PDK2: variants seen among roughly 807,000 people sequenced by gnomAD.
PDK2 encodes pyruvate dehydrogenase kinase, isozyme 2.
A neutral mutation model predicts 50.4 loss-of-function variants in PDK2; 34 were observed. The observed-to-expected ratio is 0.68, with a 90% CI of 0.51 to 0.90. The LOEUF is 0.90. Among genes scored for constraint, PDK2 ranks in the 40% least tolerant of loss-of-function variants. The pLI, the probability that PDK2 is intolerant of heterozygous loss-of-function variation, is 0.00. For synonymous variants in PDK2, 232 were observed against 216.0 expected (o/e 1.07, Z -0.65); for missense variants, 377 against 544.5 (o/e 0.69, Z 3.06).
chr17:50,109,272 C>A lies in PDK2; in HGVS notation c.970-15C>A. The A allele has an allele frequency of 6.3e-7, 1 of 1,584,750 alleles. No individual in the cohort carries two copies. The highest frequency in any genetic ancestry group is 8.7e-7 in the Non-Finnish European group (1 of 1,155,564). ...CCAGCCTCCTCATCCTCACTGCCTT[C>A]CTGCCCCGCTGCAGGCTGGCTTTGG... is the stretch of plus-strand genomic sequence containing the variant. On this transcript the variant is annotated splice_polypyrimidine_tract_variant and intron_variant, in intron 9 of 10. Transcript: ENST00000503176. The surrounding 1 kb of genome is among the most constrained non-coding windows in gnomAD (Gnocchi z 5.0).
chr17:50,095,421 G>A lies in PDK2; in HGVS notation c.-15G>A. ...CCGCGCGGGGACCACAACCAAAGTCGCGGCCGCCGCAGCCATGCGCTGGGT... is the reference window on the plus strand; with the variant it reads ...CCGCGCGGGGACCACAACCAAAGTCACGGCCGCCGCAGCCATGCGCTGGGT... On this transcript the variant is annotated 5_prime_UTR_variant, in exon 1 of 11. Transcript: ENST00000503176. The A allele has an allele frequency of 6.3e-7, 1 of 1,584,634 alleles. No homozygotes were observed. The highest frequency in any genetic ancestry group is 8.6e-7 in the Non-Finnish European group (1 of 1,162,912).
intron 2 of PDK2, 176 bp downstream of exon 2, chr17:50,097,740 C>G: frequency 1.6e-6 from 1 of 643,676 alleles, no homozygotes; most frequent in Non-Finnish European, 2.6e-6. Flanking sequence ...GAGGCCAGAG[C>G]AGGACTGAGG....
rs927114153 is a variant in PDK2 at position 50,095,493 on chromosome 17, A to C, written c.58A>C (p.Ile20Leu). The C allele has an allele frequency of 6.2e-7, 1 of 1,607,152 alleles. No homozygotes were observed. The highest frequency in any genetic ancestry group is 1.3e-5 in the African/African-American group (1 of 74,840). ...NASLAGAPKY[I>L]EHFSKFSPSP... The stretch of plus-strand genomic sequence containing the variant: ...GTCCCTGGCAGGGGCGCCCAAGTAC[A>C]TAGAGCACTTCAGCAAGTTCTCCCC... Residue 20 changes from isoleucine (I) to leucine (L), a missense_variant, in exon 1 of 11, where the codon ATA (isoleucine) becomes CTA (leucine). By Grantham distance (5) the Ile-to-Leu change is conservative. Transcript: ENST00000503176.
chr17:50,105,220 T>G, intron 2 of PDK2, 151 bp from the exon 3 acceptor site: 1 of 503,584 alleles, frequency 2.0e-6, no homozygotes, highest in South Asian at 3.5e-5. Context: ...ACAAATGAAA[T>G]GGATGGAGAA....
At chr17:50,095,326 C>A, upstream of PDK2, 2 of 710,544 alleles carry the variant, frequency 2.8e-6, no homozygotes, top group Middle Eastern at 4.1e-4. Context: ...CGTTGGAATG[C>A]CCGCCAGGGC....
rs1364941375 is a variant in PDK2 at position 50,105,983 on chromosome 17, AC to A, written c.435del (p.Val146SerfsTer112). On this transcript the variant is annotated frameshift_variant, in exon 4 of 11. Coordinates refer to ENST00000503176, the MANE Select transcript of PDK2 (RefSeq NM_002611.5). LOFTEE classifies it high-confidence loss of function. ...VLEYKDTYGD[D>X]PVSNQNIQYF... ...GAGTACAAGGACACCTACGGCGATGACCCCGTCTCCAACCAGAACATCCAGT... is the reference window on the plus strand; with the variant it reads ...GAGTACAAGGACACCTACGGCGATGACCCGTCTCCAACCAGAACATCCAGT... 2 of 1,611,780 alleles carry A rather than the reference AC, an allele frequency of 1.2e-6. No homozygotes were observed. The highest frequency in any genetic ancestry group is 4.5e-5 in the East Asian group (2 of 44,828).
At chr17:50,106,148 C>G in intron 4 of PDK2, 79 bp downstream of exon 4, 2 of 1,545,876 alleles carry the variant, frequency 1.3e-6, no homozygotes, top group Non-Finnish European at 1.7e-6. Context: ...GCTGAGGGGA[C>G]CTAGACCACT....
At chr17:50,105,798 G>C (rs1409667621) in intron 3 of PDK2, 87 bp from the exon 4 acceptor site, 1 of 1,505,200 alleles carries the variant, frequency 6.6e-7, no homozygotes, top group Non-Finnish European at 8.9e-7. Context: ...GGGAAGGGTA[G>C]AGCGGGTGAA....
intron 2 of PDK2, among the ~76,000 whole-genome samples, chr17:50,104,039 GC>G (rs374971538): frequency 1.6e-3 from 247 of 152,172 alleles, no homozygotes; most frequent in African/African-American, 5.6e-3. Flanking sequence ...TCTAGGTAGC[GC>G]CCCCCCTTCC....
rs746807693 is a variant in PDK2, at chr17:50,097,492, A to G, written c.188A>G (p.Asn63Ser). The G allele has an allele frequency of 1.9e-5, 31 of 1,613,910 alleles. No homozygotes were observed. Among genetic ancestry groups the G allele is most frequent in the Non-Finnish European group, 2.4e-5 (28 of 1,180,008 alleles). ...CAGGAGCTGCCTGTGCGCCTGGCCAACATCATGAAAGAGATCAACCTGCTT... is the reference window on the plus strand; with the variant it reads ...CAGGAGCTGCCTGTGCGCCTGGCCAGCATCATGAAAGAGATCAACCTGCTT... ...LRQELPVRLA[N>S]IMKEINLLPD... The change falls in exon 2 of 11, where the codon AAC becomes AGC. Residue 63 changes from asparagine to serine, a missense_variant. Coordinates refer to ENST00000503176, the MANE Select transcript of PDK2 (RefSeq NM_002611.5).
chr17:50,107,660 A>G (rs1011008030), intron 6 of PDK2, among the ~76,000 whole-genome samples: 1 of 152,206 alleles, frequency 6.6e-6, no homozygotes, highest in African/African-American at 2.4e-5. Flanking sequence ...TGGACCTTAC[A>G]TTTTTGGTGC....
rs1025993213 is a variant in PDK2 at position 50,107,956 on chromosome 17, G to C, written c.686-200G>C. On this transcript the variant is annotated intron_variant, in intron 6 of 10. Transcript: ENST00000503176. ...GCCTGGAGGAAGGGAACAAGGGTGTGGAAAGCAGGGCCCAAGAATTGAATG... is the reference window on the plus strand; with the variant it reads ...GCCTGGAGGAAGGGAACAAGGGTGTCGAAAGCAGGGCCCAAGAATTGAATG... 16 of 609,248 alleles carry C rather than the reference G, an allele frequency of 2.6e-5. No individual in the cohort carries two copies. In the Admixed American group the frequency reaches 3.5e-4, roughly 13 times the overall value. The allele number at this position is 609,248 out of a possible 1,614,324, so 37.7% of individuals were successfully genotyped here. A position where few individuals can be genotyped will look rare whatever the true frequency, so the allele number is the denominator to read the frequency against.
chr17:50,106,415 T>A (rs1910521028), intron 4 of PDK2: 1 of 474,646 alleles, frequency 2.1e-6, no homozygotes, highest in Non-Finnish European at 3.6e-6. Context: ...TCACTATGAT[T>A]TTTGAGAAGT....
In PDK2 at chr17:50,109,879, T is replaced by C. The variant is rs1910734539; in HGVS notation, c.1084-78T>C. The C allele has an allele frequency of 1.5e-6, 2 of 1,377,030 alleles. No homozygotes were observed. Among genetic ancestry groups the C allele is most frequent in the Non-Finnish European group, 1.9e-6 (2 of 1,045,846 alleles). 85.3% of individuals were successfully genotyped at this position (1,377,030 alleles called of 1,614,324 possible). The stretch of plus-strand genomic sequence containing the variant: ...CCGTGTCTGGCAGCTGGGCTGCCGC[T>C]GAGCTGGGGTGGGGTGGTCTGCTGA... On this transcript the variant is annotated intron_variant, in intron 10 of 10. Transcript: ENST00000503176. The surrounding 1 kb of genome is among the most constrained non-coding windows in gnomAD (Gnocchi z 5.0).
intron 2 of PDK2, among the ~76,000 whole-genome samples, chr17:50,104,043 C>G (rs1422279677): frequency 6.6e-6 from 1 of 152,162 alleles, no homozygotes; most frequent in Non-Finnish European, 1.5e-5. Flanking sequence ...GGTAGCGCCC[C>G]CCCTTCCTCC....
At chr17:50,108,011 A>T (rs1232078212) in intron 6 of PDK2, 145 bp from the exon 7 acceptor site, 3 of 671,426 alleles carry the variant, frequency 4.5e-6, no homozygotes, top group Non-Finnish European at 2.7e-6. Flanking sequence ...CAGCTACCCC[A>T]GCTCAAGGGA....
At position 50,112,135 on chromosome 17, in the gene PDK2, A is replaced by C. The variant is rs1437999222; in HGVS notation, c.*2038A>C. The C allele has an allele frequency of 6.6e-6, 1 of 152,262 alleles. No individual in the cohort carries two copies. The highest frequency in any genetic ancestry group is 1.5e-5 in the Non-Finnish European group (1 of 68,156). 9.4% of individuals were successfully genotyped at this position (152,262 alleles called of 1,614,324 possible). ...GGAAGTGAAGGGAGTCCTGGCTTGG[A>C]GAATGGGTCAAAGACCAGGTCTTGA... On this transcript the variant is annotated 3_prime_UTR_variant, in exon 11 of 11. Transcript: ENST00000503176.
At chr17:50,097,361 C>A in intron 1 of PDK2, 62 bp from the exon 2 acceptor site, 2 of 1,571,048 alleles carry the variant, frequency 1.3e-6, no homozygotes, top group African/African-American at 1.3e-5. Context: ...CTGACCTGGC[C>A]GAGACATCCT....
At position 50,097,489 on chromosome 17, in the gene PDK2, C is replaced by G. The variant is rs759252301; in HGVS notation, c.185C>G (p.Ala62Gly). ...FLRQELPVRL[A>G]NIMKEINLLP... is the part of the protein sequence containing the mutation. The stretch of plus-strand genomic sequence containing the variant: ...AGGCAGGAGCTGCCTGTGCGCCTGG[C>G]CAACATCATGAAAGAGATCAACCTG... The change falls in exon 2 of 11, where the codon GCC becomes GGC. Residue 62 changes from alanine (A) to glycine (G), a missense_variant. Physicochemically the swap from Ala to Gly is moderately conservative, Grantham distance 60. Transcript: ENST00000503176. The G allele has an allele frequency of 7.4e-6, 12 of 1,613,942 alleles. No individual in the cohort carries two copies. In the African/African-American group the frequency reaches 1.2e-4, roughly 16 times the overall value.
Sources: allele counts gnomAD v4.1 joint callset (sites outside exome capture counted in the v4.1 genomes callset), GRCh38; gene constraint gnomAD v4.1.1; non-coding constraint Gnocchi (gnomAD v3.1); transcripts MANE v1.5; gene names NCBI Gene and HGNC (gene_info 2026-07-23, HGNC 2026-07-21).